KAZN: variants seen among roughly 807,000 people sequenced by gnomAD.
The protein encoded by KAZN is kazrin.
In KAZN, 40 loss-of-function variants were observed where a neutral mutation model predicts 87.4. That is an observed-to-expected ratio of 0.46 (90% CI 0.36 to 0.60). KAZN has a LOEUF of 0.60. Ranked by LOEUF, KAZN falls within the 20% of genes least tolerant of loss-of-function variation. The pLI is 0.00. For synonymous variants in KAZN, 466 were observed against 458.3 expected (o/e 1.02, Z -0.22); for missense variants, 898 against 1,073.9 (o/e 0.84, Z 2.29).
At chr1:14,299,731 G>C (rs757991279) in intron 2 of KAZN, among the ~76,000 whole-genome samples, 1 of 152,126 alleles carries the variant, frequency 6.6e-6, no homozygotes, top group African/African-American at 2.4e-5. Flanking sequence ...TTCTCAAGGA[G>C]ATTAGCAGGA....
chr1:14,636,980 T>C (rs1680038407), intron 1 of KAZN, among the ~76,000 whole-genome samples: 1 of 152,152 alleles, frequency 6.6e-6, no homozygotes, highest in Non-Finnish European at 1.5e-5. Context: ...CCTTAAAAGC[T>C]ATAATTTCCA....
At chr1:14,109,364 T>C (rs961478068) in intron 1 of KAZN, among the ~76,000 whole-genome samples, 12 of 152,250 alleles carry the variant, frequency 7.9e-5, no homozygotes, top group African/African-American at 1.9e-4. Context: ...CTCCTTCTGA[T>C]GTTCCTTTGA....
At chr1:14,556,944 G>C (rs960680413) in intron 2 of KAZN, among the ~76,000 whole-genome samples, 1 of 152,182 alleles carries the variant, frequency 6.6e-6, no homozygotes, top group Admixed American at 6.5e-5. Context: ...AGCAATAAAT[G>C]GCAGACCATT....
intron 2 of KAZN, among the ~76,000 whole-genome samples, chr1:14,325,974 T>G (rs186052174): frequency 3.0e-3 from 458 of 152,188 alleles, no homozygotes; most frequent in African/African-American, 0.01. Flanking sequence ...CTCTTGGCAA[T>G]CTACACCCAC....
chr1:14,740,951 C>T (rs1572368750), intron 1 of KAZN, among the ~76,000 whole-genome samples: 1 of 152,158 alleles, frequency 6.6e-6, no homozygotes, highest in Non-Finnish European at 1.5e-5. Flanking sequence ...GGTGGCAGGT[C>T]CTGCCCTCTG....
chr1:14,431,621 G>A (rs1365399225), intron 2 of KAZN, among the ~76,000 whole-genome samples: 1 of 152,182 alleles, frequency 6.6e-6, no homozygotes, highest in Non-Finnish European at 1.5e-5. Flanking sequence ...TGCCAGCATT[G>A]CTAGAACAAA....
At chr1:14,943,386 G>A (rs953281401) in intron 1 of KAZN, among the ~76,000 whole-genome samples, 3 of 152,084 alleles carry the variant, frequency 2.0e-5, no homozygotes, top group South Asian at 2.1e-4. Context: ...AGCCTACTCC[G>A]GAGACCTCTC....
chr1:14,272,247 G>A (rs1477834348), intron 2 of KAZN, among the ~76,000 whole-genome samples: 4 of 152,150 alleles, frequency 2.6e-5, no homozygotes, highest in African/African-American at 9.7e-5. Flanking sequence ...TGCTGCAGAT[G>A]TCTCTCACCT....
intron 1 of KAZN, among the ~76,000 whole-genome samples, chr1:14,635,789 G>A (rs910240762): frequency 1.3e-5 from 2 of 152,212 alleles, no homozygotes; most frequent in African/African-American, 2.4e-5. Flanking sequence ...GATATCCAGT[G>A]GGTGGAGGCC....
chr1:14,697,594 CA>C (rs1641689190), intron 1 of KAZN, among the ~76,000 whole-genome samples: 1 of 152,224 alleles, frequency 6.6e-6, no homozygotes, highest in South Asian at 2.1e-4. Flanking sequence ...CAGTGGGCAG[CA>C]GCTCACCATG....
Position 14,138,347 on chromosome 1 carries a change from C to T in KAZN, c.92-42088C>T, listed in dbSNP as rs112200897. Reference sequence around the variant, plus strand: ...AGGGCTTAAGCAGATCTAGGAGTCACGTCCAGACTTGACCACATTCAGAAG... The same window carrying T: ...AGGGCTTAAGCAGATCTAGGAGTCATGTCCAGACTTGACCACATTCAGAAG... On this transcript the variant is annotated intron_variant, in intron 1 of 16. Coordinates refer to the KAZN transcript ENST00000636203. Among the ~76,000 whole-genome samples the T allele has an allele frequency of 3.8e-4, 58 of 152,202 alleles. 1 individual carries two copies. Among genetic ancestry groups the T allele is most frequent in the African/African-American group, 1.3e-3 (54 of 41,534 alleles).
chr1:14,993,839 G>A (rs566765275), intron 2 of KAZN, among the ~76,000 whole-genome samples: 23 of 152,340 alleles, frequency 1.5e-4, no homozygotes, highest in Non-Finnish European at 3.1e-4. Flanking sequence ...ACTTTGAGCC[G>A]TAATGACCCG....
At chr1:14,152,407 A>T (rs1442713740) in intron 1 of KAZN, among the ~76,000 whole-genome samples, 1 of 152,134 alleles carries the variant, frequency 6.6e-6, no homozygotes, top group African/African-American at 2.4e-5. Flanking sequence ...TTTGATTTTT[A>T]GATATTACAA....
At chr1:14,736,528 C>A (rs1252655497) in intron 1 of KAZN, among the ~76,000 whole-genome samples, 1 of 136,570 alleles carries the variant, frequency 7.3e-6, no homozygotes, top group Non-Finnish European at 1.5e-5. Flanking sequence ...TCAGGCTGAT[C>A]TCGAACTCCT....
chr1:14,787,363 G>A (rs1645539659), intron 1 of KAZN, among the ~76,000 whole-genome samples: 1 of 152,184 alleles, frequency 6.6e-6, no homozygotes, highest in Non-Finnish European at 1.5e-5. Context: ...CTGGCTCAAA[G>A]TCAAGATCTG....
At chr1:14,521,035 C>T (rs937888572) in intron 2 of KAZN, among the ~76,000 whole-genome samples, 3 of 152,114 alleles carry the variant, frequency 2.0e-5, no homozygotes, top group Admixed American at 6.5e-5. Flanking sequence ...AGTAACCATC[C>T]GAGTACTCCC....
chr1:13,963,413 C>T (rs962931356), intron 1 of KAZN, among the ~76,000 whole-genome samples: 9 of 152,198 alleles, frequency 5.9e-5, no homozygotes, highest in Admixed American at 1.3e-4. Flanking sequence ...AATCCTCTAG[C>T]TACGTTGCTG....
At chr1:14,364,606 T>A (rs921450217) in intron 2 of KAZN, among the ~76,000 whole-genome samples, 4 of 152,118 alleles carry the variant, frequency 2.6e-5, no homozygotes, top group African/African-American at 7.2e-5. Context: ...AGAAAAAAAA[T>A]TTTATTTGCC....
At chr1:14,181,378 AG>A (rs1246345856) in intron 2 of KAZN, among the ~76,000 whole-genome samples, 2 of 152,186 alleles carry the variant, frequency 1.3e-5, no homozygotes, top group African/African-American at 4.8e-5. Flanking sequence ...AGCATTGCTG[AG>A]GTCAGAATGG....
Sources: gnomAD v4.1 joint callset for allele counts (sites outside exome capture counted in the v4.1 genomes callset) on GRCh38, gnomAD v4.1.1 for gene constraint, MANE v1.5 for transcripts, NCBI Gene and HGNC (gene_info 2026-07-23, HGNC 2026-07-21) for gene names.